The following FER1L6 variants were observed in gnomAD, a reference collection of about 807,000 sequenced individuals.
The protein encoded by FER1L6 is fer-1 like family member 6, also known as fer-1-like protein 6.
FER1L6 carries 177 observed loss-of-function variants against 219.2 expected under a neutral mutation model. The observed-to-expected ratio is 0.81, with a 90% CI of 0.71 to 0.91. The LOEUF is 0.91. Ranked by LOEUF, FER1L6 falls within the 40% of genes least tolerant of loss-of-function variation. The pLI, the probability that FER1L6 is intolerant of heterozygous loss-of-function variation, is 0.00. For missense variants in FER1L6, 2,153 were observed against 2,259.9 expected (o/e 0.95, Z 0.96); for synonymous variants, 768 against 824.3 (o/e 0.93, Z 1.17).
At chr8:123,919,625 A>G (rs981092354) in intron 1 of FER1L6, among the ~76,000 whole-genome samples, 2 of 152,240 alleles carry the variant, frequency 1.3e-5, no homozygotes, top group Non-Finnish European at 2.9e-5. Flanking sequence ...GGCTCAGTGC[A>G]AAATGGAAAC....
intron 1 of FER1L6, among the ~76,000 whole-genome samples, chr8:123,877,584 C>A (rs1180609262): frequency 6.6e-6 from 1 of 152,094 alleles, no homozygotes; most frequent in Admixed American, 6.5e-5. Flanking sequence ...CTTTGAGAGG[C>A]AGTTTGGGGA....
intron 13 of FER1L6, among the ~76,000 whole-genome samples, chr8:124,005,313 G>T (rs938983019): frequency 6.6e-6 from 1 of 152,202 alleles, no homozygotes; most frequent in African/African-American, 2.4e-5. Flanking sequence ...TTATGGATTT[G>T]ATCCTAGTCT....
chr8:123,993,213 C>T lies in FER1L6; in HGVS notation c.1519+7037C>T, dbSNP rs575459454. Among the ~76,000 whole-genome samples, 194 of 151,956 alleles carry T rather than the reference C, an allele frequency of 1.3e-3. 1 individual carries two copies. The highest frequency in any genetic ancestry group is 4.1e-3 in the Admixed American group (63 of 15,278). Reference sequence around the variant, plus strand: ...ATCCCAGCACTTTGGGAGGCCGAGGCGGGCGGATCACGAGGTCAGGAGATC... The same window carrying T: ...ATCCCAGCACTTTGGGAGGCCGAGGTGGGCGGATCACGAGGTCAGGAGATC... On this transcript the variant is annotated intron_variant, in intron 12 of 40. Transcript: ENST00000522917.
At position 124,060,297 on chromosome 8, in the gene FER1L6, G is replaced by A; in HGVS notation, c.2985+7G>A. ...GAGCAAATACCGAGTGGAGGTACGG[G>A]TCAGCGGAGGAGCTGAGTTGTTCTT... is the stretch of plus-strand genomic sequence containing the variant. On this transcript the variant is annotated splice_region_variant and intron_variant, in intron 23 of 40. Transcript: ENST00000522917. The A allele has an allele frequency of 1.2e-6, 2 of 1,613,382 alleles. No individual in the cohort carries two copies. Among genetic ancestry groups the A allele is most frequent in the Non-Finnish European group, 1.7e-6 (2 of 1,179,272 alleles).
intron 2 of FER1L6, among the ~76,000 whole-genome samples, chr8:123,961,563 G>T (rs575741263): frequency 1.1e-4 from 17 of 152,260 alleles, no homozygotes; most frequent in Non-Finnish European, 1.8e-4. Flanking sequence ...CCCACAGAGC[G>T]CAGAGACAGA....
At chr8:123,964,602 G>A (rs868348623) in intron 3 of FER1L6, among the ~76,000 whole-genome samples, 3 of 152,260 alleles carry the variant, frequency 2.0e-5, no homozygotes, top group Middle Eastern at 6.8e-3. Flanking sequence ...AGGGATTTCA[G>A]TCATTTTTTA....
At position 123,858,393 on chromosome 8, in the gene FER1L6, T is replaced by C. The variant is rs529952333; in HGVS notation, c.-8+6208T>C. The stretch of plus-strand genomic sequence containing the variant: ...AGGCTGTGAGTGTTTGGAAGATGTA[T>C]TAGTTAAGGCAGTGCTAGCTGCTGT... On this transcript the variant is annotated intron_variant, in intron 1 of 40. Transcript: ENST00000522917. 6.6e-5 allele frequency among the ~76,000 whole-genome samples: 10 copies of C among 152,330 alleles called. No homozygotes were observed. In the South Asian group the frequency reaches 2.1e-3, roughly 32 times the overall value.
intron 24 of FER1L6, among the ~76,000 whole-genome samples, chr8:124,060,996 G>A (rs1262408548): frequency 6.6e-6 from 1 of 152,206 alleles, no homozygotes; most frequent in Non-Finnish European, 1.5e-5. Context: ...GAACTTGTTA[G>A]AAATGCTCAT....
intron 1 of FER1L6, among the ~76,000 whole-genome samples, chr8:123,955,035 G>T (rs918332814): frequency 2.0e-5 from 3 of 152,160 alleles, no homozygotes; most frequent in Non-Finnish European, 4.4e-5. Flanking sequence ...TCAGAAAGGG[G>T]TTCTGTAGGA....
chr8:124,094,447 T>A (rs1472796907), intron 34 of FER1L6, among the ~76,000 whole-genome samples: 2 of 152,106 alleles, frequency 1.3e-5, no homozygotes, highest in Non-Finnish European at 2.9e-5. Context: ...CTTACTTTTT[T>A]CTTTTTCGGT....
intron 17 of FER1L6, 116 bp from the exon 18 acceptor site, chr8:124,023,328 T>C: frequency 9.9e-7 from 1 of 1,009,970 alleles, no homozygotes; most frequent in South Asian, 1.7e-5. Context: ...AGTCACAGCA[T>C]TTGTTTTGTC....
intron 20 of FER1L6, among the ~76,000 whole-genome samples, chr8:124,043,916 T>G (rs954376159): frequency 3.3e-5 from 5 of 152,250 alleles, no homozygotes; most frequent in African/African-American, 4.8e-5. Flanking sequence ...CACTTATTCA[T>G]GCAAATAGCT....
At chr8:124,013,556 G>A (rs1233973741) in intron 15 of FER1L6, 25 bp downstream of exon 15, 9 of 1,524,144 alleles carry the variant, frequency 5.9e-6, no homozygotes, top group Non-Finnish European at 7.1e-6. Flanking sequence ...AGCCGGCATA[G>A]GCGGAGCTGA....
intron 1 of FER1L6, among the ~76,000 whole-genome samples, chr8:123,860,227 G>A (rs1319904460): frequency 1.1e-4 from 9 of 82,076 alleles, no homozygotes; most frequent in African/African-American, 2.7e-4. Flanking sequence ...GAGAATATGC[G>A]GTGTTTGGTT....
At chr8:124,095,970 C>T (rs535802089) in intron 35 of FER1L6, among the ~76,000 whole-genome samples, 50 of 152,302 alleles carry the variant, frequency 3.3e-4, no homozygotes, top group African/African-American at 1.1e-3. Context: ...AGGTTCACAC[C>T]CCGAGCCAGC....
At chr8:123,967,958 GA>G (rs879849276) in intron 5 of FER1L6, among the ~76,000 whole-genome samples, 173 of 140,402 alleles carry the variant, frequency 1.2e-3, no homozygotes, top group Middle Eastern at 3.7e-3. Flanking sequence ...GTTGTCTCAG[GA>G]AAAAAAAAAA....
chr8:124,036,399 A>G (rs1207973573), intron 19 of FER1L6: 1 of 152,244 alleles, frequency 6.6e-6, no homozygotes, highest in East Asian at 1.9e-4. Context: ...ATAATACCAC[A>G]TGCCAAGCAT....
At chr8:123,871,421 T>C (rs1471272450) in intron 1 of FER1L6, among the ~76,000 whole-genome samples, 2 of 151,968 alleles carry the variant, frequency 1.3e-5, no homozygotes, top group Non-Finnish European at 2.9e-5. Context: ...CCAGAGTACT[T>C]TGTAGTGCCA....
rs377023973 is a variant in FER1L6 at position 123,936,482 on chromosome 8, T to C, written c.-7-19510T>C. On this transcript the variant is annotated intron_variant, in intron 1 of 40. Coordinates refer to ENST00000522917, the MANE Select transcript of FER1L6 (RefSeq NM_001039112.2). ...AGCCTGTTTTTTTTTTTTTTTTTTT[T>C]TTTTGTAAACAGTGCTGAATTTTCT... Among the ~76,000 whole-genome samples the C allele has an allele frequency of 5.2e-3, 784 of 151,130 alleles. 6 individuals carry two copies. Among genetic ancestry groups the C allele is most frequent in the Middle Eastern group, 0.01 (3 of 294 alleles).
Sources: allele counts gnomAD v4.1 joint callset (sites outside exome capture counted in the v4.1 genomes callset), GRCh38; gene constraint gnomAD v4.1.1; transcripts MANE v1.5; gene names NCBI Gene and HGNC (gene_info 2026-07-23, HGNC 2026-07-21).